EPHA3: variants seen among roughly 807,000 people sequenced by gnomAD.
EPHA3 encodes the protein EPH receptor A3.
In EPHA3, 42 loss-of-function variants were observed where a neutral mutation model predicts 107.1. That is an observed-to-expected ratio of 0.39 (90% CI 0.31 to 0.51). The LOEUF is 0.51. Among genes scored for constraint, EPHA3 ranks in the 20% least tolerant of loss-of-function variants. EPHA3 has a pLI of 0.78. For missense variants in EPHA3, 1,183 were observed against 1,211.2 expected (o/e 0.98, Z 0.35); for synonymous variants, 461 against 424.8 (o/e 1.09, Z -1.05).
intron 16 of EPHA3, among the ~76,000 whole-genome samples, chr3:89,474,462 CAGTT>C (rs1460143190): frequency 1.3e-5 from 2 of 152,090 alleles, no homozygotes; most frequent in African/African-American, 4.8e-5. Context: ...GTAATATAAA[CAGTT>C]AGGGTTATGA....
chr3:89,430,463 GATAA>G (rs1232082921), intron 12 of EPHA3, among the ~76,000 whole-genome samples: 2 of 151,902 alleles, frequency 1.3e-5, no homozygotes, highest in Non-Finnish European at 2.9e-5. Flanking sequence ...AAAATATTAT[GATAA>G]ATATTCTTTC....
chr3:89,478,520 T>G (rs1710562693), intron 16 of EPHA3, among the ~76,000 whole-genome samples: 1 of 152,188 alleles, frequency 6.6e-6, no homozygotes, highest in African/African-American at 2.4e-5. Context: ...TTGGTACAGT[T>G]AGCTGTACAG....
At chr3:89,401,837 C>G (rs1445791685) in intron 7 of EPHA3, among the ~76,000 whole-genome samples, 1 of 152,120 alleles carries the variant, frequency 6.6e-6, no homozygotes, top group Non-Finnish European at 1.5e-5. Flanking sequence ...TCTTGAACTC[C>G]TGACCTCAGG....
intron 5 of EPHA3, among the ~76,000 whole-genome samples, chr3:89,384,785 T>G (rs772035586): frequency 6.6e-6 from 1 of 152,174 alleles, no homozygotes; most frequent in African/African-American, 2.4e-5. Flanking sequence ...GGCTGAAAGA[T>G]GCACATAAAT....
chr3:89,395,688 G>A, intron 5 of EPHA3, 149 bp from the exon 6 acceptor site: 2 of 916,734 alleles, frequency 2.2e-6, no homozygotes, highest in Admixed American at 2.4e-5. Context: ...CAAGAGCCTT[G>A]GAAATGGAAA....
intron 3 of EPHA3, among the ~76,000 whole-genome samples, chr3:89,259,913 C>A (rs1435478297): frequency 2.0e-5 from 3 of 152,072 alleles, no homozygotes; most frequent in Non-Finnish European, 4.4e-5. Flanking sequence ...TGAGATCATA[C>A]AATATTTTTC....
At chr3:89,432,923 T>A (rs1709597122) in intron 13 of EPHA3, among the ~76,000 whole-genome samples, 1 of 152,062 alleles carries the variant, frequency 6.6e-6, no homozygotes, top group East Asian at 1.9e-4. Flanking sequence ...GATTAAATAT[T>A]TTTACAATAT....
intron 2 of EPHA3, among the ~76,000 whole-genome samples, chr3:89,208,638 A>G (rs1409831699): frequency 6.6e-6 from 1 of 151,906 alleles, no homozygotes; most frequent in African/African-American, 2.4e-5. Context: ...AAGATTCCAC[A>G]AGTTCCACAA....
chr3:89,209,655 T>A (rs1431350805), intron 2 of EPHA3, among the ~76,000 whole-genome samples: 2 of 152,188 alleles, frequency 1.3e-5, no homozygotes, highest in Admixed American at 1.3e-4. Context: ...CAACAAACTG[T>A]AACGCAATTG....
intron 2 of EPHA3, among the ~76,000 whole-genome samples, chr3:89,190,918 C>A (rs1301305503): frequency 4.6e-5 from 7 of 152,104 alleles, no homozygotes; most frequent in Admixed American, 1.3e-4. Context: ...ATTTAATTAC[C>A]TCTTTACAGA....
chr3:89,239,310 A>G (rs1704840230), intron 3 of EPHA3, among the ~76,000 whole-genome samples: 1 of 152,184 alleles, frequency 6.6e-6, no homozygotes, highest in Admixed American at 6.5e-5. Context: ...ACACAGGAAT[A>G]TTTCACCAGT....
At chr3:89,412,524 C>G (rs1464176837) in intron 9 of EPHA3, among the ~76,000 whole-genome samples, 1 of 151,216 alleles carries the variant, frequency 6.6e-6, no homozygotes, top group Admixed American at 6.6e-5. Context: ...ATTATATATA[C>G]ACACCAATAT....
chr3:89,376,355 A>G (rs1708403533), intron 5 of EPHA3, among the ~76,000 whole-genome samples: 1 of 151,720 alleles, frequency 6.6e-6, no homozygotes, highest in South Asian at 2.1e-4. Flanking sequence ...ATATATATAT[A>G]CACACAACTA....
intron 2 of EPHA3, among the ~76,000 whole-genome samples, chr3:89,167,417 G>C (rs1441268288): frequency 2.0e-5 from 3 of 151,912 alleles, no homozygotes; most frequent in East Asian, 1.9e-4. Context: ...GCATGGGTAG[G>C]GGTAGGGGGA....
intron 10 of EPHA3, among the ~76,000 whole-genome samples, chr3:89,415,118 G>A (rs1454521606): frequency 6.6e-6 from 1 of 151,362 alleles, no homozygotes; most frequent in African/African-American, 2.4e-5. Flanking sequence ...CAGAGGGTTT[G>A]TATTTACCAA....
At chr3:89,182,282 A>G (rs1705458303) in intron 2 of EPHA3, among the ~76,000 whole-genome samples, 3 of 151,904 alleles carry the variant, frequency 2.0e-5, no homozygotes, top group Non-Finnish European at 2.9e-5. Context: ...TTTCCTTGAC[A>G]TCTGTAAAAG....
chr3:89,317,989 G>A (rs559898633), intron 3 of EPHA3, among the ~76,000 whole-genome samples: 2 of 151,820 alleles, frequency 1.3e-5, no homozygotes, highest in Admixed American at 6.6e-5. Flanking sequence ...TATTGCACAC[G>A]GGGTTAATTA....
chr3:89,391,423 T>C lies in EPHA3; in HGVS notation c.1307-4414T>C, dbSNP rs1190918549. 6.8e-4 allele frequency among the ~76,000 whole-genome samples: 94 copies of C among 138,998 alleles called. 1 individual carries two copies. Among genetic ancestry groups the C allele is most frequent in the African/African-American group, 2.5e-3 (92 of 36,398 alleles). 91.2% of individuals were successfully genotyped at this position (138,998 alleles called of 152,430 possible). ...TTTTCTTTTCTTTTCTTTCTTTTCTTTTTTTTTTTTTTTTTGAGATGGAGT... is the reference window on the plus strand; with the variant it reads ...TTTTCTTTTCTTTTCTTTCTTTTCTCTTTTTTTTTTTTTTTGAGATGGAGT... On this transcript the variant is annotated intron_variant, in intron 5 of 16. Transcript: ENST00000336596.
chr3:89,237,477 T>C (rs898910016), intron 3 of EPHA3, among the ~76,000 whole-genome samples: 6 of 152,212 alleles, frequency 3.9e-5, no homozygotes, highest in Non-Finnish European at 7.3e-5. Flanking sequence ...TCAATAGAAA[T>C]AGAGATATCC....
Sources: gnomAD v4.1 joint callset for allele counts (sites outside exome capture counted in the v4.1 genomes callset) on GRCh38, gnomAD v4.1.1 for gene constraint, MANE v1.5 for transcripts, NCBI Gene and HGNC (gene_info 2026-07-23, HGNC 2026-07-21) for gene names.